TSPAN2: variants seen among roughly 807,000 people sequenced by gnomAD.
TSPAN2 encodes the protein tetraspanin 2.
A neutral mutation model predicts 33.3 loss-of-function variants in TSPAN2; 24 were observed. The ratio of observed to expected loss-of-function variants is 0.72; its 90% CI spans 0.52 to 1.01. TSPAN2 has a LOEUF of 1.01. Ranked by LOEUF, TSPAN2 falls within the 50% of genes least tolerant of loss-of-function variation. TSPAN2 has a pLI of 0.00. For synonymous variants in TSPAN2, 114 were observed against 104.5 expected, an observed-to-expected ratio of 1.09 and a Z score of -0.56; for missense variants, 278 against 281.3, an observed-to-expected ratio of 0.99 and a Z score of 0.08.
chr1:115,077,802 C>T (rs773788396), intron 1 of TSPAN2, among the ~76,000 whole-genome samples: 1 of 152,164 alleles, frequency 6.6e-6, no homozygotes, highest in African/African-American at 2.4e-5. Flanking sequence ...AACATGGTCC[C>T]TAGGCAGGCG....
intron 2 of TSPAN2, among the ~76,000 whole-genome samples, chr1:115,066,591 G>T (rs6689024): frequency 6.6e-6 from 1 of 152,212 alleles, no homozygotes; most frequent in African/African-American, 2.4e-5. Flanking sequence ...ACTTAAAAAT[G>T]TGGTTCCCCC....
At chr1:115,080,664 A>C (rs1648591791) in intron 1 of TSPAN2, among the ~76,000 whole-genome samples, 1 of 152,224 alleles carries the variant, frequency 6.6e-6, no homozygotes, top group Non-Finnish European at 1.5e-5. Flanking sequence ...TCTCAAATGA[A>C]GATCAAATAT....
chr1:115,055,426 G>T (rs1459313275), intron 6 of TSPAN2, among the ~76,000 whole-genome samples: 1 of 151,822 alleles, frequency 6.6e-6, no homozygotes, highest in Non-Finnish European at 1.5e-5. Flanking sequence ...ACACCCTTAG[G>T]TCATTCTTTA....
At chr1:115,075,432 C>A (rs1286367) in intron 1 of TSPAN2, among the ~76,000 whole-genome samples, 42,230 of 151,982 alleles carry the variant, frequency 0.28, 6,241 homozygotes, top group South Asian at 0.35. Flanking sequence ...CTGCTTGTGA[C>A]AAGAGACAGG....
At chr1:115,078,318 G>A (rs951800415) in intron 1 of TSPAN2, among the ~76,000 whole-genome samples, 6 of 152,184 alleles carry the variant, frequency 3.9e-5, no homozygotes, top group African/African-American at 1.4e-4. Context: ...CTATATTGCT[G>A]TTTCCCAAAC....
intron 6 of TSPAN2, among the ~76,000 whole-genome samples, chr1:115,056,076 T>C (rs1384871043): frequency 3.3e-5 from 5 of 152,230 alleles, no homozygotes; most frequent in African/African-American, 9.6e-5. Flanking sequence ...TAAAACTATT[T>C]ACTAATTTCT....
At chr1:115,063,225 A>G (rs1647804221) in intron 2 of TSPAN2, among the ~76,000 whole-genome samples, 1 of 152,242 alleles carries the variant, frequency 6.6e-6, no homozygotes, top group Non-Finnish European at 1.5e-5. Context: ...CAAATCAACA[A>G]GCAAAAGGCA....
chr1:115,060,419 C>G (rs1647667299), intron 4 of TSPAN2, 45 bp downstream of exon 4: 1 of 1,441,114 alleles, frequency 6.9e-7, no homozygotes, highest in Non-Finnish European at 9.7e-7. Context: ...AATATTCTAA[C>G]ACTTTTAACC....
rs543649443 is a variant in TSPAN2, at chr1:115,057,722, T to C, written c.445-114A>G. ...GCGGCAAAGCAGCTCCGAGGCCCAG[T>C]CACTGCAACCCAGACTGCTATTTCT... On this transcript the variant is annotated intron_variant, in intron 5 of 7. Transcript: ENST00000369516. The C allele has an allele frequency of 8.4e-4, 725 of 863,204 alleles. 6 individuals are homozygous for C. In the South Asian group the frequency reaches 8.8e-3, roughly 10 times the overall value. The allele number at this position is 863,204 out of a possible 1,614,324, so 53.5% of individuals were successfully genotyped here.
At chr1:115,074,974 A>G (rs900554698) in intron 1 of TSPAN2, among the ~76,000 whole-genome samples, 1 of 152,150 alleles carries the variant, frequency 6.6e-6, no homozygotes, top group African/African-American at 2.4e-5. Context: ...CAATGGAAAG[A>G]CAGAGTTTCC....
chr1:115,062,399 G>A (rs531468666), intron 2 of TSPAN2, among the ~76,000 whole-genome samples, 167 bp from the exon 3 acceptor site: 2 of 152,152 alleles, frequency 1.3e-5, no homozygotes, highest in South Asian at 2.1e-4. Context: ...AAGGTAAAGC[G>A]ATTTGCTTAA....
intron 1 of TSPAN2, among the ~76,000 whole-genome samples, chr1:115,088,236 CAA>C (rs1207010740): frequency 6.6e-6 from 1 of 152,124 alleles, no homozygotes; most frequent in African/African-American, 2.4e-5. Flanking sequence ...GATTGACAGA[CAA>C]AAGAGGAGCC....
rs1184512144 is a variant in TSPAN2, at chr1:115,060,499, T to C, written c.310A>G (p.Thr104Ala). ...CCTATAAAAGCAAATACTCCAGTGG[T>C]TACTTCAGCAGCAAATATCACCAGG... ...CLLVIFAAEV[T>A]TGVFAFIGKG... Residue 104 changes from threonine (T) to alanine (A), a missense_variant, in exon 4 of 8, where the codon ACC (threonine) becomes GCC (alanine). Coordinates refer to ENST00000369516, the MANE Select transcript of TSPAN2 (RefSeq NM_005725.6). 1 of 1,613,626 alleles carries C rather than the reference T, an allele frequency of 6.2e-7. No homozygotes were observed. Among genetic ancestry groups the C allele is most frequent in the Non-Finnish European group, 8.5e-7 (1 of 1,179,816 alleles).
chr1:115,052,648 C>T (rs1476337415), intron 7 of TSPAN2, among the ~76,000 whole-genome samples: 1 of 152,222 alleles, frequency 6.6e-6, no homozygotes, highest in African/African-American at 2.4e-5. Flanking sequence ...ATTCTTCCCA[C>T]ACACTCTTCT....
At chr1:115,084,705 C>T (rs943033282) in intron 1 of TSPAN2, among the ~76,000 whole-genome samples, 5 of 152,188 alleles carry the variant, frequency 3.3e-5, no homozygotes, top group African/African-American at 1.2e-4. Flanking sequence ...ACCAATGTCT[C>T]TGACAGGTGA....
rs202092460 is a variant in TSPAN2, at chr1:115,057,627, G to A, written c.445-19C>T. 2.2e-5 allele frequency: 36 copies of A among 1,613,072 alleles called. No individual in the cohort carries two copies. Among genetic ancestry groups the A allele is most frequent in the Non-Finnish European group, 5.1e-6 (6 of 1,179,274 alleles). Reference sequence around the variant, plus strand: ...ACTGAAACTAGAGAGTCAGAAAAGAGACTTCAGGACCAGGCGGGAGGAGTA... The same window carrying A: ...ACTGAAACTAGAGAGTCAGAAAAGAAACTTCAGGACCAGGCGGGAGGAGTA... On this transcript the variant is annotated intron_variant, in intron 5 of 7. Coordinates refer to ENST00000369516, the MANE Select transcript of TSPAN2 (RefSeq NM_005725.6).
Position 115,049,361 on chromosome 1 carries a change from T to C in TSPAN2, c.*1129A>G, listed in dbSNP as rs1214871525. 6.6e-6 allele frequency: 1 copy of C among 152,620 alleles called. No homozygotes were observed. Among genetic ancestry groups the C allele is most frequent in the Non-Finnish European group, 1.5e-5 (1 of 68,014 alleles). The allele number at this position is 152,620 out of a possible 1,614,324, so 9.5% of individuals were successfully genotyped here. A position where few individuals can be genotyped will look rare whatever the true frequency, so the allele number is the denominator to read the frequency against. ...GAGAAGATGCTTTTCTTTATTTTGG[T>C]TTGGCCAAAGATGCTAATGGTTAAA... On this transcript the variant is annotated 3_prime_UTR_variant, in exon 8 of 8. Transcript: ENST00000369516.
In TSPAN2 at chr1:115,062,190, A is replaced by G. The variant is rs960933266; in HGVS notation, c.215T>C (p.Val72Ala). The stretch of plus-strand genomic sequence containing the variant: ...GGCTCCGCAGCACCCGAAGAACCCC[A>G]CGGCCATCATCAGGGCCCCGGCTCC... The part of the protein sequence containing the change: ...LVGAGALMMA[V>A]GFFGCCGAMR... Residue 72 changes from valine to alanine, a missense_variant, in exon 3 of 8, where the codon GTG (valine) becomes GCG (alanine). Val to Ala is a moderately conservative substitution (Grantham distance 64). Transcript: ENST00000369516. The G allele has an allele frequency of 2.5e-6, 4 of 1,598,292 alleles. No individual in the cohort carries two copies. The Admixed American group carries it at 5.2e-5, about 21-fold the overall frequency.
In TSPAN2 at chr1:115,057,524, G is replaced by GGTAGAAGCTTACCTTGTGTC; in HGVS notation, c.509_516+12dup. 1 of 1,613,082 alleles carries GGTAGAAGCTTACCTTGTGTC rather than the reference G, an allele frequency of 6.2e-7. No individual in the cohort carries two copies. The highest frequency in any genetic ancestry group is 2.2e-5 in the East Asian group (1 of 44,868). On this transcript the variant is annotated intron_variant, in intron 6 of 7. Coordinates refer to ENST00000369516, the MANE Select transcript of TSPAN2 (RefSeq NM_005725.6). The stretch of plus-strand genomic sequence containing the variant: ...ATACTACAGGTAGAGTAAGAACCTT[G>GGTAGAAGCTTACCTTGTGTC]GTAGAAGCTTACCTTGTGTCCTAGA...
Sources: allele counts gnomAD v4.1 joint callset (sites outside exome capture counted in the v4.1 genomes callset), GRCh38; gene constraint gnomAD v4.1.1; transcripts MANE v1.5; gene names NCBI Gene and HGNC (gene_info 2026-07-23, HGNC 2026-07-21).